Variants in SYT10 observed in about 807,000 individuals in gnomAD.
The protein encoded by SYT10 is synaptotagmin 10.
In SYT10, 31 loss-of-function variants were observed where a neutral mutation model predicts 51.1. The observed-to-expected ratio is 0.61, with a 90% CI of 0.46 to 0.82. The LOEUF is 0.82. SYT10 is among the 40% of genes least tolerant of loss of function. The pLI is 0.00. For missense variants in SYT10, 603 were observed against 634.0 expected (o/e 0.95, Z 0.53); for synonymous variants, 233 against 225.9 (o/e 1.03, Z -0.28).
In SYT10 at chr12:33,439,638, G is replaced by A; in HGVS notation, c.-116C>T. The A allele has an allele frequency of 1.5e-6, 2 of 1,320,380 alleles. No individual in the cohort carries two copies. The highest frequency in any genetic ancestry group is 2.1e-6 in the Non-Finnish European group (2 of 971,702). The allele number at this position is 1,320,380 out of a possible 1,614,324, so 81.8% of individuals were successfully genotyped here. A position where few individuals can be genotyped will look rare whatever the true frequency, so the allele number is the denominator to read the frequency against. On this transcript the variant is annotated 5_prime_UTR_variant, in exon 1 of 7. Coordinates refer to ENST00000228567, the MANE Select transcript of SYT10 (RefSeq NM_198992.4). ...TAGTCCGCCCGCGGTGACTTTGGCT[G>A]GAGATTGCGCCGCTGAGAGCCGGCA... is the stretch of plus-strand genomic sequence containing the variant.
intron 2 of SYT10, among the ~76,000 whole-genome samples, chr12:33,419,017 C>T (rs372456211): frequency 2.0e-5 from 3 of 152,106 alleles, no homozygotes; most frequent in East Asian, 1.9e-4. Flanking sequence ...ACATGTAGCA[C>T]GGGTTCTAGC....
chr12:33,418,264 C>T (rs1358257293), intron 2 of SYT10, among the ~76,000 whole-genome samples: 1 of 152,118 alleles, frequency 6.6e-6, no homozygotes, highest in African/African-American at 2.4e-5. Context: ...TTCCAGGTTC[C>T]GCCCTCCCAG....
intron 3 of SYT10, among the ~76,000 whole-genome samples, chr12:33,389,961 T>C (rs1866189509): frequency 5.3e-5 from 8 of 152,244 alleles, no homozygotes; most frequent in Admixed American, 5.2e-4. Flanking sequence ...TTGAACAAGC[T>C]ACTTAACCTC....
chr12:33,376,662 T>A lies in SYT10; in HGVS notation c.*168A>T. On this transcript the variant is annotated 3_prime_UTR_variant, in exon 7 of 7. Coordinates refer to ENST00000228567, the MANE Select transcript of SYT10 (RefSeq NM_198992.4). The stretch of plus-strand genomic sequence containing the variant: ...TATGTATTCAAGTAAAATGTATTGA[T>A]GTTCAAAGTTAAAAAATCAACAATA... The A allele has an allele frequency of 1.4e-6, 1 of 699,260 alleles. No homozygotes were observed. The highest frequency in any genetic ancestry group is 2.0e-5 in the South Asian group (1 of 49,052). The allele number at this position is 699,260 out of a possible 1,614,324, so 43.3% of individuals were successfully genotyped here. A position where few individuals can be genotyped will look rare whatever the true frequency, so the allele number is the denominator to read the frequency against.
At chr12:33,401,435 C>T (rs1866303426) in intron 3 of SYT10, among the ~76,000 whole-genome samples, 1 of 152,122 alleles carries the variant, frequency 6.6e-6, no homozygotes, top group African/African-American at 2.4e-5. Flanking sequence ...TAAATTTTTG[C>T]ACAGAATGAA....
chr12:33,413,012 C>T lies in SYT10; in HGVS notation c.510-5656G>A, dbSNP rs1346882631. Among the ~76,000 whole-genome samples, 17 of 152,246 alleles carry T rather than the reference C, an allele frequency of 1.1e-4. No individual in the cohort carries two copies. In the East Asian group the frequency reaches 1.5e-3, roughly 14 times the overall value. ...AATGACCTGATGGAGCTGAAAACCA[C>T]GGCACGAGAACTACGTGACAAATGC... On this transcript the variant is annotated intron_variant, in intron 2 of 6. Transcript: ENST00000228567.
chr12:33,418,875 T>C (rs1866477038), intron 2 of SYT10, among the ~76,000 whole-genome samples: 1 of 152,196 alleles, frequency 6.6e-6, no homozygotes, highest in Non-Finnish European at 1.5e-5. Context: ...CAGAATCATC[T>C]TTTAAAAACA....
intron 3 of SYT10, among the ~76,000 whole-genome samples, chr12:33,401,414 A>T (rs902084995): frequency 1.3e-5 from 2 of 152,198 alleles, no homozygotes; most frequent in Admixed American, 1.3e-4. Context: ...GGTGATTGCT[A>T]AAGTGAAAAC....
chr12:33,403,926 A>T lies in SYT10; in HGVS notation c.1077+2863T>A, dbSNP rs556606376. ...GTCTAGAAATTTAGGTTTCATTATTATGTTCCCAAACAAAAACCCAGAAGC... is the reference window on the plus strand; with the variant it reads ...GTCTAGAAATTTAGGTTTCATTATTTTGTTCCCAAACAAAAACCCAGAAGC... On this transcript the variant is annotated intron_variant, in intron 3 of 6. Coordinates refer to ENST00000228567, the MANE Select transcript of SYT10 (RefSeq NM_198992.4). Among the ~76,000 whole-genome samples, 3 of 152,294 alleles carry T rather than the reference A, an allele frequency of 2.0e-5. No individual in the cohort carries two copies. In the South Asian group the frequency reaches 6.2e-4, roughly 32 times the overall value.
intron 3 of SYT10, among the ~76,000 whole-genome samples, chr12:33,392,011 C>T (rs1432588914): frequency 4.6e-5 from 7 of 152,110 alleles, no homozygotes; most frequent in African/African-American, 7.2e-5. Context: ...TGCTTGCCCA[C>T]GTAAGATGAC....
intron 1 of SYT10, among the ~76,000 whole-genome samples, chr12:33,430,913 T>C (rs915152878): frequency 1.6e-4 from 25 of 152,186 alleles, no homozygotes; most frequent in African/African-American, 6.0e-4. Context: ...TAGGGCATGC[T>C]TCTGATTTCT....
rs1459863790 is a variant in SYT10 at position 33,395,043 on chromosome 12, A to G, written c.1078-9752T>C. Reference sequence around the variant, plus strand: ...GTGGAGCTTGCAGTGAGCCGAGATCACGCCACTGCACTCCAGCCTGAGCGA... The same window carrying G: ...GTGGAGCTTGCAGTGAGCCGAGATCGCGCCACTGCACTCCAGCCTGAGCGA... On this transcript the variant is annotated intron_variant, in intron 3 of 6. Coordinates refer to ENST00000228567, the MANE Select transcript of SYT10 (RefSeq NM_198992.4). 4.6e-5 allele frequency among the ~76,000 whole-genome samples: 7 copies of G among 152,290 alleles called. No homozygotes were observed. In the South Asian group the frequency reaches 1.2e-3, roughly 27 times the overall value.
chr12:33,436,696 C>T (rs1050568069), intron 1 of SYT10, among the ~76,000 whole-genome samples: 3 of 152,184 alleles, frequency 2.0e-5, no homozygotes, highest in African/African-American at 7.2e-5. Context: ...TGATTTGTAG[C>T]TCCCTTCATG....
chr12:33,438,464 C>A (rs554488461), intron 1 of SYT10, among the ~76,000 whole-genome samples: 1 of 152,296 alleles, frequency 6.6e-6, no homozygotes, highest in South Asian at 2.1e-4. Context: ...CTGGACACAC[C>A]AACCTTTTCC....
At chr12:33,401,160 G>A (rs1866300960) in intron 3 of SYT10, among the ~76,000 whole-genome samples, 1 of 152,114 alleles carries the variant, frequency 6.6e-6, no homozygotes, top group Non-Finnish European at 1.5e-5. Context: ...CATTCATCCA[G>A]TTTCTACCAT....
chr12:33,439,438 C>A lies in SYT10; in HGVS notation c.85G>T (p.Val29Leu). Residue 29 changes from valine to leucine, a missense_variant, in exon 1 of 7, where the codon GTG (valine) becomes TTG (leucine). By Grantham distance (32) the Val-to-Leu change is conservative. Transcript: ENST00000228567. Reference protein sequence around the residue: ...IVTELCFAGQVEWEKCSGIFP... With the variant: ...IVTELCFAGQLEWEKCSGIFP... ...ATGCCCGAGCACTTCTCCCACTCCA[C>A]CTGGCCGGCGAAGCACAGCTCGGTG... 2 of 1,614,266 alleles carry A rather than the reference C, an allele frequency of 1.2e-6. No homozygotes were observed. The highest frequency in any genetic ancestry group is 1.7e-6 in the Non-Finnish European group (2 of 1,180,044).
rs969835543 is a variant in SYT10 at position 33,433,526 on chromosome 12, G to A, written c.151+5846C>T. On this transcript the variant is annotated intron_variant, in intron 1 of 6. Transcript: ENST00000228567. The stretch of plus-strand genomic sequence containing the variant: ...AGGAACTATATTTAGGATTATATGC[G>A]TTCAAAGTCGTGCATTTCAAACACA... Among the ~76,000 whole-genome samples, 12 of 152,154 alleles carry A rather than the reference G, an allele frequency of 7.9e-5. No homozygotes were observed. The East Asian group carries it at 1.4e-3, about 17-fold the overall frequency.
chr12:33,413,074 A>G (rs966145313), intron 2 of SYT10, among the ~76,000 whole-genome samples: 2 of 152,206 alleles, frequency 1.3e-5, no homozygotes, highest in Non-Finnish European at 2.9e-5. Context: ...AGTGGAAGAA[A>G]GGGTATCAGT....
rs1591997250 is a variant in SYT10, at chr12:33,426,180, G to C, written c.467C>G (p.Ala156Gly). 1 of 1,611,520 alleles carries C rather than the reference G, an allele frequency of 6.2e-7. No individual in the cohort carries two copies. Among genetic ancestry groups the C allele is most frequent in the Non-Finnish European group, 8.5e-7 (1 of 1,179,472 alleles). The change falls in exon 2 of 7, where the codon GCA becomes GGA. Residue 156 changes from alanine (A) to glycine (G), a missense_variant. Ala to Gly is a moderately conservative substitution (Grantham distance 60, BLOSUM62 0). Coordinates refer to ENST00000228567, the MANE Select transcript of SYT10 (RefSeq NM_198992.4). The stretch of plus-strand genomic sequence containing the variant: ...CTCAGTAATTTGTCTTTGCACACGT[G>C]CATGTTTAATTAAATGTTCTTTTAA... ...TALKEHLIKH[A>G]RVQRQITEPT...
Sources: gnomAD v4.1 joint callset for allele counts (sites outside exome capture counted in the v4.1 genomes callset) on GRCh38, gnomAD v4.1.1 for gene constraint, MANE v1.5 for transcripts, NCBI Gene and HGNC (gene_info 2026-07-23, HGNC 2026-07-21) for gene names.